The following SMAP1 variants were observed in gnomAD, a reference collection of about 807,000 sequenced individuals.
The protein encoded by SMAP1 is small ArfGAP 1.
In SMAP1, 24 loss-of-function variants were observed where a neutral mutation model predicts 58.5. The observed-to-expected ratio is 0.41, with a 90% CI of 0.30 to 0.58. The LOEUF (loss-of-function observed/expected upper bound fraction) is 0.58. Ranked by LOEUF, SMAP1 falls within the 20% of genes least tolerant of loss-of-function variation. SMAP1 has a pLI of 0.29. For synonymous variants in SMAP1, 216 were observed against 196.6 expected (o/e 1.10, Z -0.82); for missense variants, 563 against 566.3 (o/e 0.99, Z 0.06).
chr6:70,739,209 T>C (rs1472062019), intron 2 of SMAP1, among the ~76,000 whole-genome samples: 1 of 152,152 alleles, frequency 6.6e-6, no homozygotes, highest in Admixed American at 6.5e-5. Flanking sequence ...GTAATTAGAT[T>C]ATCAGTTTAT....
intron 2 of SMAP1, among the ~76,000 whole-genome samples, chr6:70,734,148 CTT>C (rs55844971): frequency 4.6e-4 from 69 of 149,624 alleles, no homozygotes; most frequent in African/African-American, 1.5e-3. Flanking sequence ...CTCTTCCCAT[CTT>C]TTTTTTTTTG....
At chr6:70,770,501 G>A (rs573451962) in intron 3 of SMAP1, among the ~76,000 whole-genome samples, 126 of 151,634 alleles carry the variant, frequency 8.3e-4, no homozygotes, top group African/African-American at 2.9e-3. Flanking sequence ...CATTCATTTC[G>A]TCTTCCATCA....
At chr6:70,678,397 A>G (rs558791305) in intron 1 of SMAP1, among the ~76,000 whole-genome samples, 1 of 152,366 alleles carries the variant, frequency 6.6e-6, no homozygotes, top group Non-Finnish European at 1.5e-5. Context: ...GGAAAAATTC[A>G]TAAAAATTAT....
At chr6:70,747,391 A>C (rs1486894078) in intron 2 of SMAP1, among the ~76,000 whole-genome samples, 1 of 152,178 alleles carries the variant, frequency 6.6e-6, no homozygotes, top group Non-Finnish European at 1.5e-5. Flanking sequence ...CCAGAGTGCT[A>C]GGTGCAGTTA....
At chr6:70,668,401 T>G in intron 1 of SMAP1, 1 of 1,001,520 alleles carries the variant, frequency 1.0e-6, no homozygotes, top group African/African-American at 1.7e-5. Flanking sequence ...TTTGAGCAGG[T>G]GCCAGGGTAG....
At chr6:70,760,960 T>TA (rs1220327278) in intron 3 of SMAP1, among the ~76,000 whole-genome samples, 1 of 152,058 alleles carries the variant, frequency 6.6e-6, no homozygotes, top group East Asian at 1.9e-4. Context: ...TTGTCTTATC[T>TA]AAAAAACTTT....
intron 7 of SMAP1, among the ~76,000 whole-genome samples, chr6:70,850,258 C>G (rs867816009): frequency 7.2e-5 from 11 of 152,268 alleles, no homozygotes; most frequent in South Asian, 6.2e-4. Flanking sequence ...GTGAACTAGA[C>G]TGACATGTGC....
chr6:70,793,183 C>T (rs1360659969), intron 5 of SMAP1, among the ~76,000 whole-genome samples: 5 of 152,006 alleles, frequency 3.3e-5, no homozygotes, highest in African/African-American at 9.7e-5. Context: ...TACAGGTGCG[C>T]ACCACCATGC....
At chr6:70,742,507 A>G (rs1002676804) in intron 2 of SMAP1, among the ~76,000 whole-genome samples, 4 of 152,146 alleles carry the variant, frequency 2.6e-5, no homozygotes, top group East Asian at 3.9e-4. Flanking sequence ...CATCATCCAT[A>G]TCATTATCAG....
chr6:70,684,196 C>G (rs898348114), intron 1 of SMAP1, among the ~76,000 whole-genome samples: 3 of 152,170 alleles, frequency 2.0e-5, no homozygotes, highest in South Asian at 2.1e-4. Flanking sequence ...TTGTTGTCAT[C>G]TGCAGTGTTA....
chr6:70,706,740 A>G (rs1466105450), intron 1 of SMAP1, among the ~76,000 whole-genome samples: 4 of 152,224 alleles, frequency 2.6e-5, no homozygotes, highest in Non-Finnish European at 4.4e-5. Flanking sequence ...AATCCAAATT[A>G]AGATGCCCAC....
At position 70,861,548 on chromosome 6, in the gene SMAP1, G is replaced by C. The variant is rs1471756798; in HGVS notation, c.*1214G>C. On this transcript the variant is annotated 3_prime_UTR_variant, in exon 11 of 11. Transcript: ENST00000370455. ...AGATGTCCATCAGATGACAAGAAAG[G>C]CTGCTGTACTGAAGTAAAACAAACA... 18 of 859,424 alleles carry C rather than the reference G, an allele frequency of 2.1e-5. No individual in the cohort carries two copies. Among genetic ancestry groups the C allele is most frequent in the Non-Finnish European group, 3.3e-5 (18 of 545,628 alleles). 53.2% of individuals were successfully genotyped at this position (859,424 alleles called of 1,614,324 possible).
chr6:70,729,002 T>C (rs1035705932), intron 1 of SMAP1, among the ~76,000 whole-genome samples: 1 of 152,158 alleles, frequency 6.6e-6, no homozygotes, highest in African/African-American at 2.4e-5. Context: ...CTATTGAACA[T>C]CTTTTTTTTT....
At chr6:70,769,550 T>A (rs1172596747) in intron 3 of SMAP1, among the ~76,000 whole-genome samples, 3 of 152,192 alleles carry the variant, frequency 2.0e-5, no homozygotes, top group Non-Finnish European at 4.4e-5. Flanking sequence ...TTGAAGTCTG[T>A]TTTATCAGAG....
At chr6:70,824,963 A>G (rs1404713254) in intron 6 of SMAP1, among the ~76,000 whole-genome samples, 6 of 152,172 alleles carry the variant, frequency 3.9e-5, no homozygotes, top group Non-Finnish European at 8.8e-5. Context: ...TCTAATAGGA[A>G]CAGAAATCAT....
intron 1 of SMAP1, among the ~76,000 whole-genome samples, chr6:70,711,685 G>T (rs986106987): frequency 1.3e-5 from 2 of 151,872 alleles, no homozygotes; most frequent in Admixed American, 1.3e-4. Context: ...CTGCCACCAT[G>T]CCCGGCTAAT....
intron 1 of SMAP1, among the ~76,000 whole-genome samples, chr6:70,693,220 T>C (rs1767249220): frequency 6.6e-6 from 1 of 152,116 alleles, no homozygotes; most frequent in African/African-American, 2.4e-5. Flanking sequence ...CCTCCAGTTT[T>C]GTTCTTGTTG....
At chr6:70,793,025 AATTTT>A (rs549181598) in intron 5 of SMAP1, among the ~76,000 whole-genome samples, 19 of 151,868 alleles carry the variant, frequency 1.3e-4, no homozygotes, top group African/African-American at 4.3e-4. Context: ...GTAATTTTTA[AATTTT>A]ATTTTATTTT....
chr6:70,745,063 C>G (rs1406887151), intron 2 of SMAP1, among the ~76,000 whole-genome samples: 2 of 152,142 alleles, frequency 1.3e-5, no homozygotes, highest in Admixed American at 1.3e-4. Flanking sequence ...TTTGTAGATT[C>G]TGGATATTAG....
Sources: allele counts gnomAD v4.1 joint callset (sites outside exome capture counted in the v4.1 genomes callset), GRCh38; gene constraint gnomAD v4.1.1; transcripts MANE v1.5; gene names NCBI Gene and HGNC (gene_info 2026-07-23, HGNC 2026-07-21).